Variants in ZNF407 observed in about 807,000 individuals in gnomAD.
ZNF407 encodes zinc finger protein 407.
In ZNF407, 17 loss-of-function variants were observed where a neutral mutation model predicts 131.2. That is an observed-to-expected ratio of 0.13 (90% CI 0.09 to 0.19). The LOEUF is 0.19. Among genes scored for constraint, ZNF407 ranks in the 10% least tolerant of loss-of-function variants. The pLI, the probability that ZNF407 is intolerant of heterozygous loss-of-function variation, is 1.00. For synonymous variants in ZNF407, 1,156 were observed against 1,062.0 expected, an observed-to-expected ratio of 1.09 and a Z score of -1.72; for missense variants, 2,681 against 2,830.6, an observed-to-expected ratio of 0.95 and a Z score of 1.20.
chr18:74,765,019 G>A lies in ZNF407; in HGVS notation c.4803-16409G>A, dbSNP rs561974011. ...TGTCTCAGGGGTGGCAGAGGTGGAA[G>A]AAAATCATAGTAAAAGTGGACCCAC... On this transcript the variant is annotated intron_variant, in intron 3 of 8. Transcript: ENST00000299687. Among the ~76,000 whole-genome samples the A allele has an allele frequency of 1.4e-3, 210 of 152,266 alleles. 1 individual carries two copies. Among genetic ancestry groups the A allele is most frequent in the African/African-American group, 4.9e-3 (204 of 41,562 alleles).
intron 3 of ZNF407, among the ~76,000 whole-genome samples, chr18:74,732,809 C>T (rs1968324333): frequency 6.6e-6 from 1 of 152,032 alleles, no homozygotes; most frequent in Non-Finnish European, 1.5e-5. Context: ...TCTCCAGAGT[C>T]CTTTTTATTT....
intron 8 of ZNF407, among the ~76,000 whole-genome samples, chr18:75,056,587 C>T (rs1599315154): frequency 6.6e-6 from 1 of 152,162 alleles, no homozygotes. Context: ...GGGAGTCCCC[C>T]GTAATATGTA....
intron 3 of ZNF407, among the ~76,000 whole-genome samples, chr18:74,773,105 G>T (rs143628994): frequency 9.2e-5 from 14 of 152,244 alleles, no homozygotes; most frequent in Non-Finnish European, 1.9e-4. Flanking sequence ...AAATATTTTA[G>T]TGTCATCCAC....
chr18:74,995,824 G>C lies in ZNF407; in HGVS notation c.5429-67326G>C, dbSNP rs116984879. Among the ~76,000 whole-genome samples, 140 of 152,266 alleles carry C rather than the reference G, an allele frequency of 9.2e-4. 1 individual carries two copies. In the East Asian group the frequency reaches 0.026, roughly 28 times the overall value. On this transcript the variant is annotated intron_variant, in intron 8 of 8. Transcript: ENST00000299687. ...TGCTTTTTTCCTTAGACAACTTTGT[G>C]TTAGATCAGGGAAATCTATATGCAT...
chr18:74,773,404 AAAG>A (rs1169552649), intron 3 of ZNF407, among the ~76,000 whole-genome samples: 1 of 140,402 alleles, frequency 7.1e-6, no homozygotes, highest in Non-Finnish European at 1.5e-5. Context: ...CAATAGTATC[AAAG>A]AAGAAGTGAT....
chr18:74,763,955 C>T lies in ZNF407; in HGVS notation c.4803-17473C>T, dbSNP rs530601908. Among the ~76,000 whole-genome samples, 49 of 151,846 alleles carry T rather than the reference C, an allele frequency of 3.2e-4. No individual in the cohort carries two copies. The Middle Eastern group carries it at 0.014, about 42-fold the overall frequency. ...GTCTCGATCTCCTGACCTCGTGATCCGCCCGCCTCGGCCTCCCAAAGTGCT... is the reference window on the plus strand; with the variant it reads ...GTCTCGATCTCCTGACCTCGTGATCTGCCCGCCTCGGCCTCCCAAAGTGCT... On this transcript the variant is annotated intron_variant, in intron 3 of 8. Transcript: ENST00000299687.
chr18:74,782,323 G>T (rs1228464662), intron 4 of ZNF407, among the ~76,000 whole-genome samples: 2 of 152,102 alleles, frequency 1.3e-5, no homozygotes, highest in African/African-American at 2.4e-5. Flanking sequence ...TTACTCTGAA[G>T]CCTGAGGTCT....
intron 8 of ZNF407, among the ~76,000 whole-genome samples, chr18:74,955,731 C>T (rs1972267885): frequency 6.6e-6 from 1 of 152,202 alleles, no homozygotes; most frequent in African/African-American, 2.4e-5. Flanking sequence ...CATCAAGTCT[C>T]AGGACCTGAC....
At chr18:74,684,767 G>A (rs779835086) in intron 3 of ZNF407, among the ~76,000 whole-genome samples, 11 of 152,196 alleles carry the variant, frequency 7.2e-5, no homozygotes, top group African/African-American at 2.6e-4. Context: ...TTACCTTCAC[G>A]TGAGTTCGAA....
At chr18:74,875,732 A>T (rs942338496) in intron 4 of ZNF407, among the ~76,000 whole-genome samples, 4 of 152,206 alleles carry the variant, frequency 2.6e-5, no homozygotes, top group African/African-American at 9.6e-5. Context: ...TGATCCAATG[A>T]TATAGTAATT....
chr18:74,763,230 T>G (rs1453974214), intron 3 of ZNF407, among the ~76,000 whole-genome samples: 1 of 123,010 alleles, frequency 8.1e-6, no homozygotes, highest in Non-Finnish European at 1.8e-5. Context: ...TTTTGCCATG[T>G]GTATTTCTTC....
At chr18:74,652,764 A>G (rs2144713420) in intron 3 of ZNF407, among the ~76,000 whole-genome samples, 1 of 152,122 alleles carries the variant, frequency 6.6e-6, no homozygotes, top group East Asian at 1.9e-4. Context: ...CTAAGTCAGA[A>G]CCAATGCACA....
At chr18:74,779,416 C>T (rs890661184) in intron 3 of ZNF407, among the ~76,000 whole-genome samples, 5 of 151,792 alleles carry the variant, frequency 3.3e-5, no homozygotes, top group African/African-American at 1.2e-4. Context: ...GCCCGGTCAG[C>T]TTATATATTT....
At chr18:74,807,110 C>A (rs962638809) in intron 4 of ZNF407, among the ~76,000 whole-genome samples, 2 of 152,130 alleles carry the variant, frequency 1.3e-5, no homozygotes, top group South Asian at 2.1e-4. Context: ...ACAGTAGGCA[C>A]CTCTGAAGCC....
rs139190693 is a variant in ZNF407, at chr18:74,963,654, C to A, written c.5428+42962C>A. Among the ~76,000 whole-genome samples, 18 of 152,308 alleles carry A rather than the reference C, an allele frequency of 1.2e-4. No homozygotes were observed. The East Asian group carries it at 2.9e-3, about 24-fold the overall frequency. On this transcript the variant is annotated intron_variant, in intron 8 of 8. Coordinates refer to ENST00000299687, the MANE Select transcript of ZNF407 (RefSeq NM_017757.3). ...AAGAAGAGGAAATGTTCATTGAAAGCAAATTATTCCACATTTTATTGTTTT... is the reference window on the plus strand; with the variant it reads ...AAGAAGAGGAAATGTTCATTGAAAGAAAATTATTCCACATTTTATTGTTTT...
chr18:74,749,614 T>A (rs1206632652), intron 3 of ZNF407, among the ~76,000 whole-genome samples: 2 of 152,176 alleles, frequency 1.3e-5, no homozygotes, highest in Admixed American at 1.3e-4. Context: ...CAGAAAAAAA[T>A]TCCTGTATTT....
In ZNF407 at chr18:75,051,799, C is replaced by T. The variant is rs528030060; in HGVS notation, c.5429-11351C>T. 6.6e-5 allele frequency among the ~76,000 whole-genome samples: 10 copies of T among 152,278 alleles called. No individual in the cohort carries two copies. In the South Asian group the frequency reaches 1.7e-3, roughly 25 times the overall value. On this transcript the variant is annotated intron_variant, in intron 8 of 8. Coordinates refer to ENST00000299687, the MANE Select transcript of ZNF407 (RefSeq NM_017757.3). ...TGGGGGTCGGTCATCAGGTAAGGAG[C>T]TATGTGAGACATGTCCGAGGGGCTT... is the stretch of plus-strand genomic sequence containing the variant.
intron 6 of ZNF407, among the ~76,000 whole-genome samples, chr18:74,882,216 T>G (rs952913739): frequency 1.3e-5 from 2 of 152,244 alleles, no homozygotes; most frequent in African/African-American, 4.8e-5. Context: ...ATGGGTCTTA[T>G]GAGTAATTAT....
intron 8 of ZNF407, among the ~76,000 whole-genome samples, chr18:74,968,577 G>A (rs937893584): frequency 2.0e-5 from 3 of 152,184 alleles, no homozygotes; most frequent in African/African-American, 7.2e-5. Flanking sequence ...AGGACTCACA[G>A]TTAACGGTTC....
Sources: allele counts gnomAD v4.1 joint callset (sites outside exome capture counted in the v4.1 genomes callset), GRCh38; gene constraint gnomAD v4.1.1; transcripts MANE v1.5; gene names NCBI Gene and HGNC (gene_info 2026-07-23, HGNC 2026-07-21).